Variants in CEP112 observed in about 807,000 individuals in gnomAD.
CEP112 encodes the protein centrosomal protein 112.
A neutral mutation model predicts 153.0 loss-of-function variants in CEP112; 127 were observed. The ratio of observed to expected loss-of-function variants is 0.83; its 90% CI spans 0.72 to 0.96. The LOEUF (loss-of-function observed/expected upper bound fraction) is 0.96, where lower values mean the gene tolerates loss of function less well. Ranked by LOEUF, CEP112 falls within the 40% of genes least tolerant of loss-of-function variation. The pLI, the probability that CEP112 is intolerant of heterozygous loss-of-function variation, is 0.00. For missense variants in CEP112, 1,089 were observed against 1,101.2 expected, an observed-to-expected ratio of 0.99 and a Z score of 0.16; for synonymous variants, 358 against 374.4, an observed-to-expected ratio of 0.96 and a Z score of 0.51.
chr17:65,776,841 T>G (rs1022313950), intron 21 of CEP112, among the ~76,000 whole-genome samples: 1 of 152,234 alleles, frequency 6.6e-6, no homozygotes, highest in Non-Finnish European at 1.5e-5. Flanking sequence ...TATATATCAT[T>G]GTCTGGGGTG....
intron 21 of CEP112, among the ~76,000 whole-genome samples, chr17:65,762,603 T>A (rs1025855750): frequency 2.6e-5 from 4 of 151,978 alleles, no homozygotes; most frequent in Admixed American, 2.0e-4. Context: ...ACATATTTTT[T>A]ACTGGTTGCC....
intron 21 of CEP112, among the ~76,000 whole-genome samples, chr17:65,838,350 T>G (rs946865263): frequency 6.6e-6 from 1 of 151,914 alleles, no homozygotes; most frequent in African/African-American, 2.4e-5. Flanking sequence ...ACAGAAGGAA[T>G]GTTGGAAACT....
chr17:65,932,011 AT>A (rs973377127), intron 18 of CEP112, among the ~76,000 whole-genome samples: 4 of 152,232 alleles, frequency 2.6e-5, no homozygotes, highest in Non-Finnish European at 4.4e-5. Context: ...GAGTACCACC[AT>A]GCCAGGGAAC....
At chr17:66,053,235 C>T (rs1012118267) in intron 12 of CEP112, among the ~76,000 whole-genome samples, 1 of 151,484 alleles carries the variant, frequency 6.6e-6, no homozygotes, top group Non-Finnish European at 1.5e-5. Context: ...GGTACAGGGG[C>T]TCACACCTGT....
At chr17:66,070,614 A>C (rs1391319273) in intron 8 of CEP112, among the ~76,000 whole-genome samples, 3 of 152,122 alleles carry the variant, frequency 2.0e-5, no homozygotes. Context: ...CTCCAAACCA[A>C]CACCACATGC....
chr17:65,755,538 C>T (rs7217031), intron 21 of CEP112, among the ~76,000 whole-genome samples: 18,801 of 151,672 alleles, frequency 0.12, 2,172 homozygotes, highest in African/African-American at 0.3. Context: ...AATAAGGCCA[C>T]TCCAGCTTTT....
At chr17:65,934,045 T>C (rs2061220272) in intron 18 of CEP112, among the ~76,000 whole-genome samples, 1 of 152,058 alleles carries the variant, frequency 6.6e-6, no homozygotes, top group African/African-American at 2.4e-5. Flanking sequence ...AAAAGTTACA[T>C]GGGCACAGTT....
At position 66,024,648 on chromosome 17, in the gene CEP112, G is replaced by C. The variant is rs1160757823; in HGVS notation, c.1656+2853C>G. Among the ~76,000 whole-genome samples, 9 of 152,188 alleles carry C rather than the reference G, an allele frequency of 5.9e-5. No individual in the cohort carries two copies. In the South Asian group the frequency reaches 1.9e-3, roughly 32 times the overall value. On this transcript the variant is annotated intron_variant, in intron 16 of 26. Transcript: ENST00000535342. The stretch of plus-strand genomic sequence containing the variant: ...AACACTGTTGAAAGAAGTTGTAGAT[G>C]ACACAAACAAATGGAAAAACATCTC...
At chr17:66,074,860 TAAAAAAAAAAAA>T (rs1424834992) in intron 8 of CEP112, among the ~76,000 whole-genome samples, 1 of 95,712 alleles carries the variant, frequency 1.0e-5, no homozygotes, top group Non-Finnish European at 2.0e-5. Context: ...AGGCTCTGTC[TAAAAAAAAAAAA>T]GAAAAAAAAA....
intron 4 of CEP112, among the ~76,000 whole-genome samples, chr17:66,169,562 G>A (rs1321032656): frequency 1.3e-5 from 2 of 152,050 alleles, no homozygotes; most frequent in Non-Finnish European, 2.9e-5. Context: ...GGGATTACAG[G>A]CATAAGCCAC....
At chr17:65,692,603 T>G (rs1284886819) in intron 23 of CEP112, among the ~76,000 whole-genome samples, 5 of 152,176 alleles carry the variant, frequency 3.3e-5, no homozygotes, top group Admixed American at 3.3e-4. Flanking sequence ...TCTTTCCCAC[T>G]CTGTACTGAT....
intron 6 of CEP112, among the ~76,000 whole-genome samples, chr17:66,121,948 G>A (rs1050767098): frequency 4.6e-5 from 7 of 152,094 alleles, no homozygotes; most frequent in African/African-American, 1.4e-4. Flanking sequence ...AGGCTGGAGT[G>A]CAATGGTGCG....
chr17:65,852,908 T>A (rs1031048828), intron 20 of CEP112, among the ~76,000 whole-genome samples: 3 of 152,200 alleles, frequency 2.0e-5, no homozygotes, highest in African/African-American at 7.2e-5. Context: ...CAAATGTCTC[T>A]CTGGATACTG....
At chr17:65,926,572 A>G (rs7207309) in intron 19 of CEP112, among the ~76,000 whole-genome samples, 5,691 of 151,952 alleles carry the variant, frequency 0.037, 321 homozygotes, top group African/African-American at 0.12. Flanking sequence ...ATTTAGCCGG[A>G]CGTGGTGGCG....
intron 24 of CEP112, among the ~76,000 whole-genome samples, chr17:65,670,163 TTTG>T (rs199516469): frequency 0.02 from 3,062 of 151,336 alleles, 105 homozygotes; most frequent in African/African-American, 0.07. Flanking sequence ...TTTTTTTGTT[TTTG>T]TTGTTGTTGT....
intron 17 of CEP112, among the ~76,000 whole-genome samples, chr17:65,963,823 A>C (rs569668499): frequency 1.3e-5 from 2 of 152,102 alleles, no homozygotes; most frequent in African/African-American, 2.4e-5. Flanking sequence ...TTTAAACACC[A>C]CCTTGTGTCT....
chr17:65,869,744 C>T (rs1159657744), intron 20 of CEP112, among the ~76,000 whole-genome samples: 3 of 151,734 alleles, frequency 2.0e-5, no homozygotes, highest in South Asian at 2.1e-4. Context: ...CCACCACATT[C>T]GGCTAAATTT....
At chr17:65,669,164 C>G (rs566522417) in intron 24 of CEP112, among the ~76,000 whole-genome samples, 5 of 152,290 alleles carry the variant, frequency 3.3e-5, no homozygotes, top group Admixed American at 3.3e-4. Context: ...ATCACACTAC[C>G]AGTTTGACTT....
At chr17:65,792,851 A>G (rs2054671309) in intron 21 of CEP112, among the ~76,000 whole-genome samples, 1 of 152,208 alleles carries the variant, frequency 6.6e-6, no homozygotes, top group African/African-American at 2.4e-5. Flanking sequence ...TTTAAAAAAA[A>G]TATTTCATGG....
Sources: allele counts gnomAD v4.1 joint callset (sites outside exome capture counted in the v4.1 genomes callset), GRCh38; gene constraint gnomAD v4.1.1; transcripts MANE v1.5; gene names NCBI Gene and HGNC (gene_info 2026-07-23, HGNC 2026-07-21).